Variants in ATP8A1 observed in about 807,000 individuals in gnomAD.
ATP8A1 encodes the protein phospholipid-transporting ATPase IA.
In ATP8A1, 90 loss-of-function variants were observed where a neutral mutation model predicts 177.7. That is an observed-to-expected ratio of 0.51 (90% CI 0.43 to 0.60). The LOEUF is 0.60. Among genes scored for constraint, ATP8A1 ranks in the 20% least tolerant of loss-of-function variants. The pLI, the probability that ATP8A1 is intolerant of heterozygous loss-of-function variation, is 0.00. For synonymous variants in ATP8A1, 493 were observed against 485.9 expected (o/e 1.01, Z -0.19); for missense variants, 1,072 against 1,392.8 (o/e 0.77, Z 3.67).
intron 3 of ATP8A1, chr4:42,625,165 A>AT: frequency 6.5e-6 from 1 of 152,866 alleles, no homozygotes; most frequent in Admixed American, 6.5e-5. Context: ...TGTTTTAAAA[A>AT]TTTTTTATTT....
intron 5 of ATP8A1, among the ~76,000 whole-genome samples, chr4:42,607,791 C>G (rs1735944409): frequency 6.6e-6 from 1 of 152,166 alleles, no homozygotes; most frequent in African/African-American, 2.4e-5. Context: ...CTGTGTTCCT[C>G]CCTACCTTCA....
chr4:42,421,221 C>T (rs1008125746), intron 35 of ATP8A1, among the ~76,000 whole-genome samples: 1 of 152,182 alleles, frequency 6.6e-6, no homozygotes, highest in Non-Finnish European at 1.5e-5. Context: ...GAGGAGGACA[C>T]AACCCTGAAA....
chr4:42,596,455 A>T (rs1247305153), intron 6 of ATP8A1, among the ~76,000 whole-genome samples: 4 of 152,080 alleles, frequency 2.6e-5, no homozygotes, highest in African/African-American at 9.7e-5. Context: ...GGATCACCTG[A>T]GGTCAGGAAT....
At chr4:42,486,686 G>A (rs1203996888) in intron 24 of ATP8A1, among the ~76,000 whole-genome samples, 2 of 152,124 alleles carry the variant, frequency 1.3e-5, no homozygotes, top group Admixed American at 6.6e-5. Context: ...CTATGTTTTG[G>A]TCAACAGACT....
chr4:42,602,101 CTTCA>C (rs1471598591), intron 5 of ATP8A1, among the ~76,000 whole-genome samples: 1 of 151,986 alleles, frequency 6.6e-6, no homozygotes, highest in Non-Finnish European at 1.5e-5. Flanking sequence ...GGTGAATCAA[CTTCA>C]TTAATTTAAA....
At chr4:42,547,973 G>T (rs1320585408) in intron 19 of ATP8A1, among the ~76,000 whole-genome samples, 1 of 152,148 alleles carries the variant, frequency 6.6e-6, no homozygotes, top group Non-Finnish European at 1.5e-5. Context: ...GAATGGTCAC[G>T]CAGTCTTTAA....
chr4:42,488,017 T>C (rs1316984754), intron 24 of ATP8A1, among the ~76,000 whole-genome samples: 1 of 152,194 alleles, frequency 6.6e-6, no homozygotes, highest in Non-Finnish European at 1.5e-5. Context: ...TGGAAATTTT[T>C]GGCCCAAGAG....
intron 6 of ATP8A1, among the ~76,000 whole-genome samples, chr4:42,591,593 A>T (rs1734184837): frequency 6.6e-6 from 1 of 152,036 alleles, no homozygotes; most frequent in Admixed American, 6.6e-5. Context: ...ATCCAGAGAA[A>T]TTTTTTCAGA....
chr4:42,509,821 C>T (rs966634022), intron 22 of ATP8A1, among the ~76,000 whole-genome samples: 1 of 139,792 alleles, frequency 7.2e-6, no homozygotes, highest in Admixed American at 8.0e-5. Context: ...CACTGCACTC[C>T]AGCCTGGGCA....
At chr4:42,546,585 A>C (rs1183010631) in intron 19 of ATP8A1, among the ~76,000 whole-genome samples, 8 of 148,172 alleles carry the variant, frequency 5.4e-5, no homozygotes, top group African/African-American at 7.9e-5. Flanking sequence ...GTATAATAAA[A>C]AAAAAAAAAA....
intron 27 of ATP8A1, among the ~76,000 whole-genome samples, chr4:42,458,608 C>T (rs79575545): frequency 0.041 from 6,262 of 152,246 alleles, 428 homozygotes; most frequent in African/African-American, 0.14. Context: ...AATCTGTATT[C>T]GTCTGGCTGT....
At chr4:42,548,910 G>T in intron 19 of ATP8A1, 103 bp downstream of exon 19, 1 of 906,108 alleles carries the variant, frequency 1.1e-6, no homozygotes, top group Non-Finnish European at 1.7e-6. Flanking sequence ...AACAAATTTA[G>T]TTAAATAAAA....
rs1414647995 is a variant in ATP8A1, at chr4:42,657,047, A to C, written c.-174T>G. The C allele has an allele frequency of 3.6e-6, 2 of 560,312 alleles. No homozygotes were observed. Among genetic ancestry groups the C allele is most frequent in the Non-Finnish European group, 5.3e-6 (2 of 375,600 alleles). 34.7% of individuals were successfully genotyped at this position (560,312 alleles called of 1,614,324 possible). A position where few individuals can be genotyped will look rare whatever the true frequency, so the allele number is the denominator to read the frequency against. On this transcript the variant is annotated 5_prime_UTR_variant, in exon 1 of 37. Coordinates refer to ENST00000381668, the MANE Select transcript of ATP8A1 (RefSeq NM_006095.2). ...GCGGCCCCCGCACGCCGACAGGAGG[A>C]GGAGAAAGGCAGCGGTGGCGGCGAA...
chr4:42,581,997 T>C (rs951686264), intron 9 of ATP8A1, among the ~76,000 whole-genome samples: 13 of 152,170 alleles, frequency 8.5e-5, no homozygotes, highest in African/African-American at 3.1e-4. Flanking sequence ...TATTCACATG[T>C]TGAAGTTCTT....
chr4:42,597,132 C>T (rs1190878129), intron 6 of ATP8A1, among the ~76,000 whole-genome samples: 1 of 152,106 alleles, frequency 6.6e-6, no homozygotes, highest in Non-Finnish European at 1.5e-5. Flanking sequence ...TTTGTAGGTC[C>T]TTTGAGGATC....
At chr4:42,633,267 C>A (rs1477769479) in intron 1 of ATP8A1, among the ~76,000 whole-genome samples, 3 of 152,208 alleles carry the variant, frequency 2.0e-5, no homozygotes, top group Non-Finnish European at 4.4e-5. Flanking sequence ...TTCATCATCA[C>A]ATGCTTATAT....
At chr4:42,645,093 G>A (rs1291840364) in intron 1 of ATP8A1, among the ~76,000 whole-genome samples, 1 of 152,160 alleles carries the variant, frequency 6.6e-6, no homozygotes, top group Non-Finnish European at 1.5e-5. Flanking sequence ...AGCTCCCAGA[G>A]TAGATATAAC....
At chr4:42,526,302 G>A (rs139581487) in intron 20 of ATP8A1, among the ~76,000 whole-genome samples, 2 of 152,178 alleles carry the variant, frequency 1.3e-5, no homozygotes, top group African/African-American at 4.8e-5. Context: ...AAAATGGGTC[G>A]GCTAGCCATG....
intron 15 of ATP8A1, 112 bp from the exon 16 acceptor site, chr4:42,556,152 A>G: frequency 1.6e-6 from 1 of 618,872 alleles, no homozygotes; most frequent in Admixed American, 3.8e-5. Flanking sequence ...TCAATAAATT[A>G]AATGTAATTT....
Sources: gnomAD v4.1 joint callset for allele counts (sites outside exome capture counted in the v4.1 genomes callset) on GRCh38, gnomAD v4.1.1 for gene constraint, MANE v1.5 for transcripts, NCBI Gene and HGNC (gene_info 2026-07-23, HGNC 2026-07-21) for gene names.